TIAM1: variants seen among roughly 807,000 people sequenced by gnomAD.
The protein encoded by TIAM1 is TIAM Rac1 associated GEF 1.
In TIAM1, 65 loss-of-function variants were observed where a neutral mutation model predicts 163.5. The observed-to-expected ratio is 0.40, with a 90% CI of 0.33 to 0.49. The LOEUF is 0.49. Among genes scored for constraint, TIAM1 ranks in the 20% least tolerant of loss-of-function variants. TIAM1 has a pLI of 0.77. For synonymous variants in TIAM1, 833 were observed against 810.1 expected (o/e 1.03, Z -0.48); for missense variants, 1,789 against 2,044.7 (o/e 0.87, Z 2.41).
chr21:31,242,561 T>C (rs150896540), intron 6 of TIAM1, among the ~76,000 whole-genome samples: 264 of 152,266 alleles, frequency 1.7e-3, no homozygotes, highest in African/African-American at 5.8e-3. Context: ...GCGTTGATGA[T>C]AGGCTTGAAC....
At chr21:31,530,602 C>G (rs1048990606) in intron 1 of TIAM1, among the ~76,000 whole-genome samples, 1 of 152,190 alleles carries the variant, frequency 6.6e-6, no homozygotes, top group African/African-American at 2.4e-5. Context: ...CACCCCAGTG[C>G]CCGACTGTAT....
intron 1 of TIAM1, among the ~76,000 whole-genome samples, chr21:31,535,596 G>C (rs142779154): frequency 5.3e-5 from 8 of 152,128 alleles, no homozygotes; most frequent in African/African-American, 1.9e-4. Flanking sequence ...GGCTGCCCAC[G>C]TAAAGGGGAT....
At chr21:31,283,124 G>A (rs979132755) in intron 2 of TIAM1, among the ~76,000 whole-genome samples, 2 of 152,180 alleles carry the variant, frequency 1.3e-5, no homozygotes, top group Non-Finnish European at 2.9e-5. Context: ...TCAACTTAGG[G>A]CGAGCTACCA....
intron 2 of TIAM1, among the ~76,000 whole-genome samples, chr21:31,379,064 C>T (rs1021532620): frequency 6.6e-6 from 1 of 152,098 alleles, no homozygotes; most frequent in African/African-American, 2.4e-5. Flanking sequence ...CTCCATTGCC[C>T]GGGTTCAAGC....
chr21:31,125,826 T>G (rs980939298), intron 26 of TIAM1, among the ~76,000 whole-genome samples: 3 of 152,180 alleles, frequency 2.0e-5, no homozygotes, highest in African/African-American at 7.2e-5. Context: ...CCGCCTGCCT[T>G]GGCCTCCCAA....
chr21:31,120,484 T>A lies in TIAM1; in HGVS notation c.4660A>T (p.Lys1554Ter). The A allele has an allele frequency of 6.2e-7, 1 of 1,613,156 alleles. No homozygotes were observed. The highest frequency in any genetic ancestry group is 1.1e-5 in the South Asian group (1 of 91,050). Residue 1554 changes from lysine (K) to a stop codon, truncating the protein, a stop_gained, in exon 28 of 28, where the codon AAG becomes TAG. Coordinates refer to ENST00000541036, the MANE Select transcript of TIAM1 (RefSeq NM_001353694.2). LOFTEE classifies it high-confidence loss of function. The surrounding 1 kb of genome is among the most constrained non-coding windows in gnomAD (Gnocchi z 4.2). ...DSHASRMAQL[K>*]KQAALSGING... Reference sequence around the variant, plus strand: ...ATCCCCGACAGGGCAGCTTGCTTCTTGAGCTGTGCCATGCGGGACGCGTGA... The same window carrying A: ...ATCCCCGACAGGGCAGCTTGCTTCTAGAGCTGTGCCATGCGGGACGCGTGA...
chr21:31,442,070 A>AATAAATAAATATATATAT (rs370046459), intron 2 of TIAM1, among the ~76,000 whole-genome samples: 2 of 53,244 alleles, frequency 3.8e-5, no homozygotes, highest in African/African-American at 1.3e-4. Context: ...CAAATAAATA[A>AATAAATAAATATATATAT]ATATATATAT....
chr21:31,509,341 A>G (rs1017048638), intron 1 of TIAM1, among the ~76,000 whole-genome samples: 1 of 152,156 alleles, frequency 6.6e-6, no homozygotes, highest in African/African-American at 2.4e-5. Flanking sequence ...GGAAGCAGAC[A>G]TCCCCCGGCA....
intron 2 of TIAM1, among the ~76,000 whole-genome samples, chr21:31,368,591 G>A (rs934909022): frequency 5.9e-5 from 9 of 152,186 alleles, no homozygotes; most frequent in Non-Finnish European, 1.2e-4. Context: ...TCAAGAAAGC[G>A]TACAGGCTTC....
At chr21:31,452,262 A>G (rs2044890667) in intron 2 of TIAM1, among the ~76,000 whole-genome samples, 1 of 152,130 alleles carries the variant, frequency 6.6e-6, no homozygotes, top group South Asian at 2.1e-4. Context: ...ACATGATGAA[A>G]TCCTGTCTCT....
chr21:31,175,645 C>T lies in TIAM1; in HGVS notation c.2887+6776G>A, dbSNP rs577509748. ...ACGGAGTCTCCCTCTGTCGCCCAGGCTGGAATGCAATGGTACGATCTTGGC... is the reference window on the plus strand; with the variant it reads ...ACGGAGTCTCCCTCTGTCGCCCAGGTTGGAATGCAATGGTACGATCTTGGC... On this transcript the variant is annotated intron_variant, in intron 15 of 27. Transcript: ENST00000541036. 2.6e-5 allele frequency among the ~76,000 whole-genome samples: 4 copies of T among 152,184 alleles called. No homozygotes were observed. The East Asian group carries it at 7.7e-4, about 29-fold the overall frequency.
chr21:31,384,662 G>C (rs566610727), intron 2 of TIAM1, among the ~76,000 whole-genome samples: 29 of 152,224 alleles, frequency 1.9e-4, no homozygotes, highest in African/African-American at 6.7e-4. Flanking sequence ...GCTTGAGTTT[G>C]CTTTAAATTT....
At chr21:31,122,336 T>G (rs2082034330) in intron 27 of TIAM1, among the ~76,000 whole-genome samples, 2 of 152,196 alleles carry the variant, frequency 1.3e-5, no homozygotes, top group South Asian at 4.1e-4. Context: ...CACTTTTATC[T>G]CAGCACCAGC....
chr21:31,425,693 T>TTC (rs1219080900), intron 2 of TIAM1, among the ~76,000 whole-genome samples: 4 of 145,206 alleles, frequency 2.8e-5, no homozygotes, highest in African/African-American at 7.7e-5. Flanking sequence ...CTCTCTTTCT[T>TTC]TCTCTCTCTC....
chr21:31,407,282 C>T (rs1234731924), intron 2 of TIAM1, among the ~76,000 whole-genome samples: 3 of 152,096 alleles, frequency 2.0e-5, no homozygotes, highest in East Asian at 1.9e-4. Context: ...TTGTTTATTA[C>T]GATTCCTCTT....
At chr21:31,389,478 G>T (rs2076933370) in intron 2 of TIAM1, among the ~76,000 whole-genome samples, 1 of 152,158 alleles carries the variant, frequency 6.6e-6, no homozygotes, top group South Asian at 2.1e-4. Flanking sequence ...CAAAGTGCTA[G>T]GATTACAGGC....
At chr21:31,353,833 A>ATTTTTTTT (rs2076272701) in intron 2 of TIAM1, among the ~76,000 whole-genome samples, 7 of 38,070 alleles carry the variant, frequency 1.8e-4, no homozygotes, top group East Asian at 1.4e-3. Context: ...TTATTTATTT[A>ATTTTTTTT]TCTTTTTTTT....
Position 31,465,550 on chromosome 21 carries a change from G to A in TIAM1, c.-421-1515C>T, listed in dbSNP as rs145428910. ...ACCAGCCTATAAGGGCAGTGACTGG[G>A]CCCCTGGCAGTGAGTAGTGATCTTC... On this transcript the variant is annotated intron_variant, in intron 1 of 28. Transcript: ENST00000286827. Among the ~76,000 whole-genome samples the A allele has an allele frequency of 7.3e-3, 1,105 of 151,692 alleles. 8 individuals carry two copies. The highest frequency in any genetic ancestry group is 0.012 in the Non-Finnish European group (814 of 67,932).
At chr21:31,528,718 T>C (rs1161112677) in intron 1 of TIAM1, among the ~76,000 whole-genome samples, 5 of 147,738 alleles carry the variant, frequency 3.4e-5, no homozygotes, top group Non-Finnish European at 7.5e-5. Flanking sequence ...GGCAGGAGAA[T>C]TGCTTGAACC....
Sources: gnomAD v4.1 joint callset for allele counts (sites outside exome capture counted in the v4.1 genomes callset) on GRCh38, gnomAD v4.1.1 for gene constraint, Gnocchi (gnomAD v3.1) non-coding constraint, MANE v1.5 for transcripts, NCBI Gene and HGNC (gene_info 2026-07-23, HGNC 2026-07-21) for gene names.